Variants in ARHGAP17 observed in about 807,000 individuals in gnomAD.
ARHGAP17 encodes the protein rho GTPase-activating protein 17.
A neutral mutation model predicts 99.5 loss-of-function variants in ARHGAP17; 57 were observed. That is an observed-to-expected ratio of 0.57 (90% CI 0.46 to 0.71). The LOEUF (loss-of-function observed/expected upper bound fraction) is 0.71. Ranked by LOEUF, ARHGAP17 falls within the 30% of genes least tolerant of loss-of-function variation. The probability of loss-of-function intolerance (pLI) is 0.00; values close to 1 mark genes in which losing one functional copy is unlikely to be tolerated. For missense variants in ARHGAP17, 1,000 were observed against 1,122.4 expected, an observed-to-expected ratio of 0.89 and a Z score of 1.56; for synonymous variants, 417 against 429.6, an observed-to-expected ratio of 0.97 and a Z score of 0.36.
intron 1 of ARHGAP17, among the ~76,000 whole-genome samples, chr16:25,001,497 A>G (rs552191538): frequency 6.6e-6 from 1 of 152,338 alleles, no homozygotes; most frequent in Non-Finnish European, 1.5e-5. Flanking sequence ...TTTTTTCTAG[A>G]AACTAGAGAA....
chr16:24,940,567 GGTGC>G (rs1352959957), intron 16 of ARHGAP17, among the ~76,000 whole-genome samples: 2 of 152,140 alleles, frequency 1.3e-5, no homozygotes, highest in Non-Finnish European at 2.9e-5. Context: ...TGCGTGAGGT[GGTGC>G]GTGCCTATAG....
chr16:24,949,327 G>A lies in ARHGAP17; in HGVS notation c.1127+77C>T, dbSNP rs940420973. 13 of 1,136,744 alleles carry A rather than the reference G, an allele frequency of 1.1e-5. No homozygotes were observed. In the Middle Eastern group the frequency reaches 8.1e-4, roughly 71 times the overall value. 70.4% of individuals were successfully genotyped at this position (1,136,744 alleles called of 1,614,324 possible). ...TGTTGTTTTTTAATGTGCCAAGTATGCCTGAATTAAATGACTTCTCTGCTG... is the reference window on the plus strand; with the variant it reads ...TGTTGTTTTTTAATGTGCCAAGTATACCTGAATTAAATGACTTCTCTGCTG... On this transcript the variant is annotated intron_variant, in intron 13 of 19. Transcript: ENST00000289968.
chr16:24,982,984 ATATATATATATATTTTTTTTTT>A (rs1188570318), intron 1 of ARHGAP17, among the ~76,000 whole-genome samples: 1 of 28,024 alleles, frequency 3.6e-5, no homozygotes, highest in East Asian at 5.6e-4. Flanking sequence ...ATATATATAT[ATATATATATATATTTTTTTTTT>A]TTTTTTTTTT....
At position 24,990,400 on chromosome 16, in the gene ARHGAP17, T is replaced by A. The variant is rs540686232; in HGVS notation, c.54-11395A>T. Among the ~76,000 whole-genome samples the A allele has an allele frequency of 2.6e-5, 4 of 152,046 alleles. No individual in the cohort carries two copies. In the South Asian group the frequency reaches 6.2e-4, roughly 24 times the overall value. The stretch of plus-strand genomic sequence containing the variant: ...ACTCAGAAGGTTGAAGTGGGAGGAT[T>A]GTTTGAGCCCAGGAGGTCAAGACTT... On this transcript the variant is annotated intron_variant, in intron 1 of 19. Transcript: ENST00000289968.
At chr16:24,976,624 G>A (rs1372215823) in intron 3 of ARHGAP17, among the ~76,000 whole-genome samples, 3 of 152,068 alleles carry the variant, frequency 2.0e-5, no homozygotes, top group Non-Finnish European at 2.9e-5. Flanking sequence ...AAAGAGGCGA[G>A]AGGGGAGGGG....
chr16:24,970,002 A>C (rs1237913371), intron 4 of ARHGAP17, among the ~76,000 whole-genome samples: 1 of 152,164 alleles, frequency 6.6e-6, no homozygotes, highest in Non-Finnish European at 1.5e-5. Flanking sequence ...CCTACAATAA[A>C]AACTGCTTTG....
chr16:24,988,392 G>A (rs925398680), intron 1 of ARHGAP17, among the ~76,000 whole-genome samples: 4 of 152,082 alleles, frequency 2.6e-5, no homozygotes, highest in African/African-American at 9.7e-5. Context: ...ACTTAACGGG[G>A]GGAAATGATT....
chr16:24,927,394 ATG>A (rs2050870336), intron 19 of ARHGAP17, among the ~76,000 whole-genome samples: 1 of 152,214 alleles, frequency 6.6e-6, no homozygotes, highest in African/African-American at 2.4e-5. Flanking sequence ...TGACTCCATA[ATG>A]TGTGTTCTTC....
chr16:24,977,364 T>C, intron 2 of ARHGAP17, 45 bp from the exon 3 acceptor site: 1 of 1,491,378 alleles, frequency 6.7e-7, no homozygotes, highest in East Asian at 2.4e-5. Context: ...CCTCTTTCTT[T>C]TGTGGTGTCT....
Position 24,920,018 on chromosome 16 carries a change from C to G in ARHGAP17, c.*112G>C. On this transcript the variant is annotated 3_prime_UTR_variant, in exon 20 of 20. Coordinates refer to ENST00000289968, the MANE Select transcript of ARHGAP17 (RefSeq NM_001006634.3). Reference sequence around the variant, plus strand: ...CCAGGTCCCGCACAGTGAGGCCCTCCTTTGTCCTCCACTGAAAGCTTTTCA... The same window carrying G: ...CCAGGTCCCGCACAGTGAGGCCCTCGTTTGTCCTCCACTGAAAGCTTTTCA... 13 of 1,482,426 alleles carry G rather than the reference C, an allele frequency of 8.8e-6. No homozygotes were observed. The highest frequency in any genetic ancestry group is 1.2e-5 in the Non-Finnish European group (13 of 1,092,092). The allele number at this position is 1,482,426 out of a possible 1,614,324, so 91.8% of individuals were successfully genotyped here.
chr16:24,961,411 T>C (rs967288686), intron 7 of ARHGAP17, among the ~76,000 whole-genome samples: 28 of 144,322 alleles, frequency 1.9e-4, no homozygotes, highest in African/African-American at 6.6e-4. Flanking sequence ...ACACCTACAA[T>C]CCCAGCACTT....
intron 3 of ARHGAP17, among the ~76,000 whole-genome samples, chr16:24,973,143 A>G (rs920151114): frequency 2.0e-5 from 3 of 152,140 alleles, no homozygotes; most frequent in Non-Finnish European, 4.4e-5. Flanking sequence ...CCAGGGATGA[A>G]TTTTAAATGC....
chr16:24,928,595 C>T (rs1054975345), intron 19 of ARHGAP17, among the ~76,000 whole-genome samples: 3 of 152,164 alleles, frequency 2.0e-5, no homozygotes, highest in Non-Finnish European at 2.9e-5. Context: ...GAATCGCACC[C>T]GGGCCTCCTC....
rs770286980 is a variant in ARHGAP17 at position 24,931,342 on chromosome 16, C to G, written c.1957G>C (p.Gly653Arg). The G allele has an allele frequency of 6.6e-7, 1 of 1,505,456 alleles. No individual in the cohort carries two copies. Among genetic ancestry groups the G allele is most frequent in the Non-Finnish European group, 8.9e-7 (1 of 1,129,676 alleles). The allele number at this position is 1,505,456 out of a possible 1,614,324, so 93.3% of individuals were successfully genotyped here. ...PGNPPPGHPG[G>R]QSSSGTSQHP... is the part of the protein sequence containing the mutation. ...TGAGATGTTCCTGAAGAACTCTGGC[C>G]CCCGGGGTGGCCAGGAGGTGGGTTG... The change falls in exon 19 of 20, where the codon GGC becomes CGC. Residue 653 changes from glycine (G) to arginine (R), a missense_variant. Gly to Arg is a moderately radical substitution (Grantham distance 125, BLOSUM62 -2). This residue lies in a region of ARHGAP17 where 528 missense variants were observed against 511.4 expected (regional missense o/e 1.03). Coordinates refer to ENST00000289968, the MANE Select transcript of ARHGAP17 (RefSeq NM_001006634.3).
At position 24,975,409 on chromosome 16, in the gene ARHGAP17, T is replaced by G. The variant is rs114009964; in HGVS notation, c.198+1806A>C. On this transcript the variant is annotated intron_variant, in intron 3 of 19. Transcript: ENST00000289968. ...TGGAGAATAAGAGAAGCAGAGAACT[T>G]AATGAAACAATGTGAAAAGGGTAAG... Among the ~76,000 whole-genome samples, 360 of 152,068 alleles carry G rather than the reference T, an allele frequency of 2.4e-3. 1 individual carries two copies. Among genetic ancestry groups the G allele is most frequent in the African/African-American group, 8.3e-3 (343 of 41,472 alleles).
At chr16:24,940,559 C>T (rs984572503) in intron 16 of ARHGAP17, among the ~76,000 whole-genome samples, 5 of 152,026 alleles carry the variant, frequency 3.3e-5, no homozygotes, top group Non-Finnish European at 5.9e-5. Flanking sequence ...AAATTAGCTG[C>T]GTGAGGTGGT....
Position 24,919,962 on chromosome 16 carries a change from C to T in ARHGAP17, c.*168G>A. ...ACAGGTCATTCAGCTTTAGTGGTGG[C>T]CTCCAGGTTCTCCTTGGGCCGTGCA... is the stretch of plus-strand genomic sequence containing the variant. On this transcript the variant is annotated 3_prime_UTR_variant, in exon 20 of 20. Transcript: ENST00000289968. The T allele has an allele frequency of 2.2e-6, 2 of 917,900 alleles. No homozygotes were observed. The highest frequency in any genetic ancestry group is 3.2e-6 in the Non-Finnish European group (2 of 631,886). The allele number at this position is 917,900 out of a possible 1,614,324, so 56.9% of individuals were successfully genotyped here.
At chr16:24,941,941 A>T (rs2051323712) in intron 16 of ARHGAP17, 46 bp downstream of exon 16, 2 of 1,612,926 alleles carry the variant, frequency 1.2e-6, no homozygotes, top group Non-Finnish European at 8.5e-7. Flanking sequence ...CCACGGGTCT[A>T]ACAACATATT....
chr16:24,961,679 T>A (rs534683172), intron 7 of ARHGAP17, among the ~76,000 whole-genome samples: 297 of 151,198 alleles, frequency 2.0e-3, no homozygotes, highest in African/African-American at 6.8e-3. Context: ...TACAGGTGCA[T>A]ACCACCATAC....
Sources: gnomAD v4.1 joint callset for allele counts (sites outside exome capture counted in the v4.1 genomes callset) on GRCh38, gnomAD v4.1.1 for gene constraint, gnomAD v4.1.1 regional missense constraint, MANE v1.5 for transcripts, NCBI Gene and HGNC (gene_info 2026-07-23, HGNC 2026-07-21) for gene names.